KIF1B: variants seen among roughly 807,000 people sequenced by gnomAD.
The protein encoded by KIF1B is kinesin family member 1B.
Under a neutral mutation model 241.9 loss-of-function variants are expected in KIF1B, and 76 were observed. The ratio of observed to expected loss-of-function variants is 0.31; its 90% confidence interval spans 0.26 to 0.38. The LOEUF (loss-of-function observed/expected upper bound fraction) is 0.38, where lower values mean the gene tolerates loss of function less well. Among genes scored for constraint, KIF1B ranks in the 10% least tolerant of loss-of-function variants. The pLI is 1.00. For synonymous variants in KIF1B, 750 were observed against 796.7 expected, an observed-to-expected ratio of 0.94 and a Z score of 0.99; for missense variants, 1,622 against 2,271.4, an observed-to-expected ratio of 0.71 and a Z score of 5.81.
intron 35 of KIF1B, among the ~76,000 whole-genome samples, chr1:10,346,623 C>T (rs1254493414): frequency 6.6e-6 from 1 of 152,220 alleles, no homozygotes; most frequent in East Asian, 1.9e-4. Flanking sequence ...CCTCAGCCTC[C>T]CAAAGTGCTG....
intron 32 of KIF1B, among the ~76,000 whole-genome samples, chr1:10,340,198 A>ATACTTATG (rs1489381539): frequency 9.2e-5 from 14 of 152,360 alleles, no homozygotes; most frequent in African/African-American, 3.1e-4. Flanking sequence ...AAACCCTAAG[A>ATACTTATG]TACTTATGTT....
At chr1:10,292,741 GT>G (rs1650060222) in intron 17 of KIF1B, among the ~76,000 whole-genome samples, 1 of 152,112 alleles carries the variant, frequency 6.6e-6, no homozygotes, top group African/African-American at 2.4e-5. Flanking sequence ...AGTAGTAAGG[GT>G]TTTTTTGTTT....
At chr1:10,250,246 T>C (rs1051164527) in intron 2 of KIF1B, among the ~76,000 whole-genome samples, 2 of 152,218 alleles carry the variant, frequency 1.3e-5, no homozygotes, top group Non-Finnish European at 2.9e-5. Flanking sequence ...ACTCCTTTAA[T>C]TCTGTAAACT....
intron 2 of KIF1B, among the ~76,000 whole-genome samples, chr1:10,233,453 C>G (rs1412998647): frequency 6.6e-6 from 1 of 152,040 alleles, no homozygotes; most frequent in African/African-American, 2.4e-5. Flanking sequence ...GCACTCCAGA[C>G]TTGGCAATAG....
rs980699437 is a variant in KIF1B at position 10,306,407 on chromosome 1, A to G, written c.2115+9161A>G. The G allele has an allele frequency of 2.0e-5, 20 of 1,019,804 alleles. No individual in the cohort carries two copies. The East Asian group carries it at 1.1e-3, about 57-fold the overall frequency. 63.2% of individuals were successfully genotyped at this position (1,019,804 alleles called of 1,614,324 possible). ...CTTTTTTATTCCTCTTTAGACATAA[A>G]TGTGCTAACTATTCCTTTCTATACA... On this transcript the variant is annotated intron_variant, in intron 22 of 48. Coordinates refer to ENST00000676179, the MANE Select transcript of KIF1B (RefSeq NM_001365951.3).
chr1:10,257,937 A>T (rs1204992041), intron 3 of KIF1B, among the ~76,000 whole-genome samples: 1 of 152,152 alleles, frequency 6.6e-6, no homozygotes, highest in African/African-American at 2.4e-5. Flanking sequence ...TTGGCCTCCC[A>T]GAGTGATGGG....
At chr1:10,319,958 T>A in intron 22 of KIF1B, 85 bp from the exon 23 acceptor site, 1 of 841,202 alleles carries the variant, frequency 1.2e-6, no homozygotes, top group Admixed American at 2.0e-5. Context: ...CTTTCTCTAC[T>A]TCCCCCAATA....
intron 15 of KIF1B, 67 bp from the exon 16 acceptor site, chr1:10,291,015 C>A (rs1306267736): frequency 7.7e-6 from 10 of 1,297,632 alleles, no homozygotes; most frequent in Non-Finnish European, 1.1e-5. Flanking sequence ...TTGCTTCTTG[C>A]TTTTCTAGCA....
rs1452500634 is a variant in KIF1B at position 10,324,075 on chromosome 1, T to G, written c.2537+13T>G. 1 of 1,613,420 alleles carries G rather than the reference T, an allele frequency of 6.2e-7. No individual in the cohort carries two copies. The stretch of plus-strand genomic sequence containing the variant: ...TGGAGAAACTCAAGTATGAAAACAT[T>G]CATAAAGGCTGGTTGTTTTATTTAG... On this transcript the variant is annotated intron_variant, in intron 25 of 48. Coordinates refer to ENST00000676179, the MANE Select transcript of KIF1B (RefSeq NM_001365951.3).
intron 22 of KIF1B, chr1:10,305,077 G>A (rs1042750584): frequency 1.6e-5 from 17 of 1,068,266 alleles, no homozygotes; most frequent in Middle Eastern, 4.2e-4. Context: ...ATTCATAAAT[G>A]TTAGAAATTG....
intron 16 of KIF1B, 148 bp downstream of exon 16, chr1:10,291,309 T>C: frequency 1.6e-6 from 1 of 636,270 alleles, no homozygotes; most frequent in Admixed American, 2.7e-5. Flanking sequence ...CAGGGATTTA[T>C]GGCCAGTTGA....
At chr1:10,368,873 C>T (rs1638646914) in intron 44 of KIF1B, among the ~76,000 whole-genome samples, 3 of 152,122 alleles carry the variant, frequency 2.0e-5, no homozygotes, top group Non-Finnish European at 4.4e-5. Context: ...CCTGAGGTTC[C>T]TGGTGGCATA....
chr1:10,244,803 G>A (rs977370051), intron 2 of KIF1B, among the ~76,000 whole-genome samples: 42 of 149,944 alleles, frequency 2.8e-4, no homozygotes, highest in Non-Finnish European at 5.2e-4. Flanking sequence ...TAGTAGAGAC[G>A]GGGTTTCACT....
At chr1:10,321,347 G>A (rs1050813348) in intron 23 of KIF1B, among the ~76,000 whole-genome samples, 4 of 152,016 alleles carry the variant, frequency 2.6e-5, no homozygotes, top group African/African-American at 7.2e-5. Flanking sequence ...CAGGTGATCC[G>A]CCTACCTCTG....
In KIF1B at chr1:10,334,525, T is replaced by C. The variant is rs375534287; in HGVS notation, c.2930T>C (p.Phe977Ser). 3 of 1,612,568 alleles carry C rather than the reference T, an allele frequency of 1.9e-6. No homozygotes were observed. The African/African-American group carries it at 4.0e-5, about 22-fold the overall frequency. ...SPWFILVGRAFVYLSNLLYPV... is the reference protein window; with the variant it reads ...SPWFILVGRASVYLSNLLYPV... Reference sequence around the variant, plus strand: ...CTCCTGGTTTCTGTCTTTAGGGCATTTGTTTACCTGAGCAATCTGCTGTAT... The same window carrying C: ...CTCCTGGTTTCTGTCTTTAGGGCATCTGTTTACCTGAGCAATCTGCTGTAT... The change falls in exon 28 of 49, where the codon TTT becomes TCT. Residue 977 changes from phenylalanine (F) to serine (S), a missense_variant. Phe to Ser is a radical substitution (Grantham distance 155). Transcript: ENST00000676179.
intron 12 of KIF1B, among the ~76,000 whole-genome samples, chr1:10,276,871 A>G (rs559274695): frequency 6.6e-6 from 1 of 152,316 alleles, no homozygotes; most frequent in African/African-American, 2.4e-5. Flanking sequence ...ACTTGAGGTC[A>G]GGAGTTTGAG....
chr1:10,343,274 A>T lies in KIF1B; in HGVS notation c.3675A>T (p.Pro1225=). The change falls in exon 34 of 49, where the codon CCA becomes CCT. Residue 1225 remains proline (P), a synonymous_variant. Coordinates refer to ENST00000676179, the MANE Select transcript of KIF1B (RefSeq NM_001365951.3). ...PCRRFFPPPM[P]LSKPVPATKL... is the part of the protein sequence containing the mutation. ...GCCGATTCTTCCCTCCACCCATGCC[A>T]CTGTCCAAGCCAGGTGAGCACTCGC... 6.2e-7 allele frequency: 1 copy of T among 1,614,120 alleles called. No homozygotes were observed. The highest frequency in any genetic ancestry group is 8.5e-7 in the Non-Finnish European group (1 of 1,180,010).
At chr1:10,251,080 C>T (rs796274033) in intron 2 of KIF1B, among the ~76,000 whole-genome samples, 5 of 152,084 alleles carry the variant, frequency 3.3e-5, no homozygotes, top group South Asian at 2.1e-4. Context: ...ACAGGAGAAT[C>T]GCTTGAACCT....
chr1:10,267,991 GGCAGTATTGAGA>G (rs1557677005), intron 6 of KIF1B, among the ~76,000 whole-genome samples, 149 bp from the exon 7 acceptor site: 1 of 152,170 alleles, frequency 6.6e-6, no homozygotes, highest in African/African-American at 2.4e-5. Flanking sequence ...TCACAAATAA[GGCAGTATTGAGA>G]GCAATTGTGT....
Sources: allele counts gnomAD v4.1 joint callset (sites outside exome capture counted in the v4.1 genomes callset), GRCh38; gene constraint gnomAD v4.1.1; transcripts MANE v1.5; gene names NCBI Gene and HGNC (gene_info 2026-07-23, HGNC 2026-07-21).